Variants in PDE8B observed in about 807,000 individuals in gnomAD.
PDE8B encodes phosphodiesterase 8B.
In PDE8B, 26 loss-of-function variants were observed where a neutral mutation model predicts 101.3. The ratio of observed to expected loss-of-function variants is 0.26; its 90% CI spans 0.19 to 0.36. PDE8B has a LOEUF of 0.36. Ranked by LOEUF, PDE8B falls within the 10% of genes least tolerant of loss-of-function variation. PDE8B has a pLI of 1.00. For missense variants in PDE8B, 810 were observed against 1,163.1 expected (o/e 0.70, Z 4.42); for synonymous variants, 424 against 429.3 (o/e 0.99, Z 0.15).
chr5:77,272,243 A>T (rs552130632), intron 1 of PDE8B, among the ~76,000 whole-genome samples: 1 of 152,206 alleles, frequency 6.6e-6, no homozygotes, highest in African/African-American at 2.4e-5. Flanking sequence ...TATGATATCT[A>T]TTAGTTCACA....
intron 1 of PDE8B, chr5:77,290,861 T>G: frequency 6.4e-7 from 1 of 1,569,928 alleles, no homozygotes; most frequent in Non-Finnish European, 8.8e-7. Flanking sequence ...CTTCCCTCAT[T>G]AGTGTGGCTG....
chr5:77,167,293 A>C, the PDE8B span, among the ~76,000 whole-genome samples: 7 of 152,334 alleles, frequency 4.6e-5, no homozygotes, highest in East Asian at 1.2e-3. Context: ...CTTAATGATA[A>C]GGATGTGTTG....
chr5:77,331,292 G>A, intron 4 of PDE8B, 110 bp from the exon 5 acceptor site: 1 of 957,038 alleles, frequency 1.0e-6, no homozygotes, highest in Non-Finnish European at 1.7e-6. Context: ...TCGTCAGGAA[G>A]CCACTCTTGG....
intron 1 of PDE8B, chr5:77,291,202 A>C: frequency 6.2e-7 from 1 of 1,611,110 alleles, no homozygotes; most frequent in South Asian, 1.1e-5. Flanking sequence ...TTTGTACATG[A>C]AAGCATCCAT....
intron 6 of PDE8B, among the ~76,000 whole-genome samples, chr5:77,339,153 G>T (rs1219738318): frequency 1.3e-5 from 2 of 152,144 alleles, no homozygotes; most frequent in Non-Finnish European, 2.9e-5. Context: ...GGTCTTATCA[G>T]ATTCAGAACT....
At chr5:77,407,495 G>A (rs1211805020) in intron 13 of PDE8B, 38 bp downstream of exon 13, 1 of 1,450,632 alleles carries the variant, frequency 6.9e-7, no homozygotes, top group Non-Finnish European at 9.7e-7. Flanking sequence ...GCAGTCAGGG[G>A]CCCTCACACA....
chr5:77,258,238 G>A (rs1408062877), intron 1 of PDE8B, among the ~76,000 whole-genome samples: 5 of 142,718 alleles, frequency 3.5e-5, no homozygotes, highest in African/African-American at 7.9e-5. Flanking sequence ...GTAGTGAGCC[G>A]AGATTGCATC....
At chr5:77,415,574 A>G (rs145832351) in intron 17 of PDE8B, among the ~76,000 whole-genome samples, 23,683 of 151,770 alleles carry the variant, frequency 0.16, 2,361 homozygotes, top group East Asian at 0.39. Context: ...GGTCAGGCTC[A>G]TCTCGAACTC....
the PDE8B span, among the ~76,000 whole-genome samples, chr5:77,198,221 A>T: frequency 6.6e-6 from 1 of 152,050 alleles, no homozygotes; most frequent in African/African-American, 2.4e-5. Flanking sequence ...ACCCAACTGG[A>T]TTCTCTACTG....
chr5:77,180,566 G>C, the PDE8B span: 2 of 865,258 alleles, frequency 2.3e-6, no homozygotes, highest in South Asian at 1.1e-4. Flanking sequence ...CACAAGCCCA[G>C]AGCCGGCTTC....
At chr5:77,236,291 G>A (rs1255999064) in intron 1 of PDE8B, among the ~76,000 whole-genome samples, 1 of 152,158 alleles carries the variant, frequency 6.6e-6, no homozygotes, top group African/African-American at 2.4e-5. Context: ...ACACAAATGT[G>A]GGAGTCATCA....
the PDE8B span, among the ~76,000 whole-genome samples, chr5:77,101,528 T>C: frequency 6.6e-6 from 1 of 152,148 alleles, no homozygotes; most frequent in Non-Finnish European, 1.5e-5. Context: ...TCATCACCCT[T>C]ATGAAAACTA....
the PDE8B span, among the ~76,000 whole-genome samples, chr5:77,172,740 T>C: frequency 0.058 from 8,810 of 152,266 alleles, 267 homozygotes; most frequent in African/African-American, 0.082. Flanking sequence ...GAAATACCAG[T>C]ACCAGTGCTG....
chr5:77,201,850 A>T, the PDE8B span, among the ~76,000 whole-genome samples: 6 of 152,312 alleles, frequency 3.9e-5, no homozygotes, highest in African/African-American at 1.4e-4. Context: ...CTTAAACAAC[A>T]GAAACTTATT....
intron 1 of PDE8B, among the ~76,000 whole-genome samples, chr5:77,222,419 C>T (rs1209480569): frequency 2.6e-5 from 4 of 152,002 alleles, no homozygotes; most frequent in Non-Finnish European, 5.9e-5. Flanking sequence ...GTCAGGAGTT[C>T]GAGACTATCC....
chr5:77,217,098 A>C (rs555389010), intron 1 of PDE8B, among the ~76,000 whole-genome samples: 9 of 152,310 alleles, frequency 5.9e-5, no homozygotes, highest in Admixed American at 4.6e-4. Flanking sequence ...TCTTGGTTGG[A>C]GACCTCGAAC....
In PDE8B at chr5:77,423,632, G is replaced by GTTTTTTTTTTTTTTTTTTTTTTT. The variant is rs71594634; in HGVS notation, c.2418+1649_2418+1671dup. The stretch of plus-strand genomic sequence containing the variant: ...TGATGCTGGACTTTTGTTTTGTTTA[G>GTTTTTTTTTTTTTTTTTTTTTTT]TTTTTTTTTTTTTTTTTTTTTTTTT... On this transcript the variant is annotated intron_variant, in intron 20 of 21. Transcript: ENST00000264917. Among the ~76,000 whole-genome samples the GTTTTTTTTTTTTTTTTTTTTTTT allele has an allele frequency of 5.4e-4, 40 of 74,036 alleles. 7 individuals are homozygous for GTTTTTTTTTTTTTTTTTTTTTTT. Among genetic ancestry groups the GTTTTTTTTTTTTTTTTTTTTTTT allele is most frequent in the East Asian group, 7.4e-4 (2 of 2,696 alleles). The allele number at this position is 74,036 out of a possible 152,430, so 48.6% of individuals were successfully genotyped here.
chr5:77,164,433 C>G, the PDE8B span, among the ~76,000 whole-genome samples: 1 of 152,208 alleles, frequency 6.6e-6, no homozygotes, highest in African/African-American at 2.4e-5. Flanking sequence ...CCCAGTCACT[C>G]TGCAGAAGAA....
At chr5:77,091,589 C>T in the PDE8B span, among the ~76,000 whole-genome samples, 1 of 151,926 alleles carries the variant, frequency 6.6e-6, no homozygotes, top group Non-Finnish European at 1.5e-5. Context: ...TGCAGCGAGC[C>T]GAGATCGTGC....
Sources: gnomAD v4.1 joint callset for allele counts (sites outside exome capture counted in the v4.1 genomes callset) on GRCh38, gnomAD v4.1.1 for gene constraint, MANE v1.5 for transcripts, NCBI Gene and HGNC (gene_info 2026-07-23, HGNC 2026-07-21) for gene names.